TTC34: variants seen among roughly 807,000 people sequenced by gnomAD.
TTC34 encodes tetratricopeptide repeat protein 34.
TTC34 carries 44 observed loss-of-function variants against 40.7 expected under a neutral mutation model. The observed-to-expected ratio is 1.08, with a 90% confidence interval of 0.85 to 1.39. TTC34 has a LOEUF of 1.39. TTC34 is among the 40% of genes most tolerant of loss of function. TTC34 has a pLI of 0.00. For missense variants in TTC34, 884 were observed against 838.0 expected (o/e 1.05, Z -0.68); for synonymous variants, 422 against 398.6 (o/e 1.06, Z -0.70).
At chr1:2,691,340 ACC>A (rs1640608796) in intron 6 of TTC34, among the ~76,000 whole-genome samples, 1 of 83,602 alleles carries the variant, frequency 1.2e-5, no homozygotes, top group African/African-American at 4.5e-5. Context: ...CAGCACCCAC[ACC>A]CCCAGGTGAG....
At chr1:2,644,424 G>A (rs1221431960) in exon 8 of TTC34, 7 of 1,536,054 alleles carry the variant, frequency 4.6e-6, no homozygotes, top group Admixed American at 2.0e-5. Flanking sequence ...TGCCTCTGAC[G>A]TTGGGGCACG....
At chr1:2,780,018 G>A (rs773601753) in intron 6 of TTC34, among the ~76,000 whole-genome samples, 26 of 152,316 alleles carry the variant, frequency 1.7e-4, no homozygotes, top group Non-Finnish European at 2.5e-4. Flanking sequence ...GGAGGCTGAG[G>A]CAGGAGAATC....
At chr1:2,697,602 ACAACCCCAGGTGAGCATCCGACAGC>A (rs1640926175) in intron 6 of TTC34, among the ~76,000 whole-genome samples, 3 of 141,336 alleles carry the variant, frequency 2.1e-5, no homozygotes, top group Non-Finnish European at 3.1e-5. Flanking sequence ...AACAGCTCCC[ACAACCCCAGGTGAGCATCCGACAGC>A]CTGGAGCAGC....
At chr1:2,749,686 C>A (rs1569686913) in intron 6 of TTC34, among the ~76,000 whole-genome samples, 2 of 101,726 alleles carry the variant, frequency 2.0e-5, no homozygotes, top group East Asian at 5.9e-4. Context: ...AACCTGCACA[C>A]CCAGGTGAGC....
At chr1:2,652,071 G>A (rs55790383) in intron 6 of TTC34, among the ~76,000 whole-genome samples, 17,878 of 22,062 alleles carry the variant, frequency 0.81, 7,569 homozygotes, top group Non-Finnish European at 0.84. Context: ...ACAGCCTGGA[G>A]GAGCACCCAC....
chr1:2,641,128 G>C (rs1570742275), exon 9 of TTC34: 2 of 277,884 alleles, frequency 7.2e-6, no homozygotes, highest in African/African-American at 8.6e-5. Context: ...GGGCTGGGAA[G>C]GGGGAGGGCT....
intron 6 of TTC34, among the ~76,000 whole-genome samples, chr1:2,652,116 A>G (rs1639159228): frequency 2.7e-4 from 1 of 3,694 alleles, no homozygotes; most frequent in Admixed American, 3.5e-3. Flanking sequence ...CTGGAACAGC[A>G]CCCTGCACCC....
At position 2,681,580 on chromosome 1, in the gene TTC34, C is replaced by T. The variant is rs1277571317; in HGVS notation, c.2227-36017G>A. On this transcript the variant is annotated intron_variant, in intron 6 of 8. Transcript: ENST00000401095. ...CGCATCTGATGGTCTGGAGCAGCATCCACACCCACAGGTGAGCATCAGACA... is the reference window on the plus strand; with the variant it reads ...CGCATCTGATGGTCTGGAGCAGCATTCACACCCACAGGTGAGCATCAGACA... 3.2e-5 allele frequency among the ~76,000 whole-genome samples: 2 copies of T among 62,734 alleles called. 1 individual carries two copies. Among genetic ancestry groups the T allele is most frequent in the Non-Finnish European group, 7.1e-5 (2 of 28,072 alleles). The allele number at this position is 62,734 out of a possible 152,430, so 41.2% of individuals were successfully genotyped here. A position where few individuals can be genotyped will look rare whatever the true frequency, so the allele number is the denominator to read the frequency against.
chr1:2,769,668 A>G (rs1464177696), intron 6 of TTC34, among the ~76,000 whole-genome samples: 174 of 9,864 alleles, frequency 0.018, no homozygotes, highest in East Asian at 0.033. Context: ...GCAGCACCCT[A>G]CACCCCCAGG....
chr1:2,773,353 T>A (rs1341177894), intron 6 of TTC34, among the ~76,000 whole-genome samples: 3 of 86,976 alleles, frequency 3.4e-5, no homozygotes, highest in Admixed American at 1.1e-4. Flanking sequence ...GGTGAGCATC[T>A]GGCAGCCTGG....
In TTC34 at chr1:2,645,624, G is replaced by A. The variant is rs927779674; in HGVS notation, c.2227-61C>T. On this transcript the variant is annotated intron_variant, in intron 6 of 8. Coordinates refer to ENST00000401095, the Ensembl canonical transcript of TTC34. This position sits in a 1 kb window ranked among gnomAD's most constrained non-coding sequence, Gnocchi z 4.7. The stretch of plus-strand genomic sequence containing the variant: ...CCTAAGTAGAGAAACTGGGCAGAGG[G>A]TCAGAGTAGGAGGACTGGCTCTGTC... 1 of 1,417,776 alleles carries A rather than the reference G, an allele frequency of 7.1e-7. No homozygotes were observed. Among genetic ancestry groups the A allele is most frequent in the Admixed American group, 2.7e-5 (1 of 37,020 alleles). The allele number at this position is 1,417,776 out of a possible 1,614,324, so 87.8% of individuals were successfully genotyped here. A position where few individuals can be genotyped will look rare whatever the true frequency, so the allele number is the denominator to read the frequency against.
chr1:2,691,594 A>T (rs150908844), intron 6 of TTC34, among the ~76,000 whole-genome samples: 1,336 of 33,952 alleles, frequency 0.039, no homozygotes, highest in Middle Eastern at 0.1. Flanking sequence ...CCCAGGTGAG[A>T]CCCTGACAGC....
At chr1:2,756,675 G>C (rs1641517187) in intron 6 of TTC34, among the ~76,000 whole-genome samples, 1 of 1,722 alleles carries the variant, frequency 5.8e-4, no homozygotes, top group African/African-American at 2.0e-3. Flanking sequence ...ACCCCCAGGT[G>C]AGCAGCTGAA....
exon 5 of TTC34, chr1:2,786,006 G>C: frequency 2.0e-6 from 3 of 1,472,828 alleles, no homozygotes; most frequent in East Asian, 2.6e-5. Flanking sequence ...CACCAGACTG[G>C]ACCAGCTTCT....
chr1:2,767,714 A>C (rs1426681324), intron 6 of TTC34, among the ~76,000 whole-genome samples: 3 of 136,688 alleles, frequency 2.2e-5, no homozygotes, highest in Non-Finnish European at 4.7e-5. Context: ...TACCTGGAAC[A>C]GAACCCCGCT....
At position 2,700,169 on chromosome 1, in the gene TTC34, C is replaced by T. The variant is rs187767145; in HGVS notation, c.2227-54606G>A. Among the ~76,000 whole-genome samples, 196 of 99,938 alleles carry T rather than the reference C, an allele frequency of 2.0e-3. 13 individuals are homozygous for T. The highest frequency in any genetic ancestry group is 5.8e-3 in the African/African-American group (189 of 32,868). 65.6% of individuals were successfully genotyped at this position (99,938 alleles called of 152,430 possible). On this transcript the variant is annotated intron_variant, in intron 6 of 8. Transcript: ENST00000401095. ...ATCGGACATCCTGGAGCATCACATA[C>T]TCCCCCAGGTGAGCATCCGACAGCC...
At chr1:2,750,774 T>A (rs1398780397) in intron 6 of TTC34, among the ~76,000 whole-genome samples, 1 of 72,712 alleles carries the variant, frequency 1.4e-5, no homozygotes, top group Non-Finnish European at 2.6e-5. Flanking sequence ...TAAACACAGG[T>A]GAACATCGGA....
At chr1:2,748,490 A>G (rs1569683131) in intron 6 of TTC34, among the ~76,000 whole-genome samples, 2 of 138,354 alleles carry the variant, frequency 1.4e-5, no homozygotes, top group African/African-American at 2.6e-5. Context: ...TCCCCGGGTG[A>G]GCATCCGATA....
At chr1:2,695,379 T>G (rs111853722) in intron 6 of TTC34, among the ~76,000 whole-genome samples, 74 of 41,638 alleles carry the variant, frequency 1.8e-3, no homozygotes, top group Middle Eastern at 0.014. Flanking sequence ...TCCGACAGCC[T>G]GGAGCAGCAC....
Sources: allele counts gnomAD v4.1 joint callset (sites outside exome capture counted in the v4.1 genomes callset), GRCh38; gene constraint gnomAD v4.1.1; non-coding constraint Gnocchi (gnomAD v3.1); transcripts MANE v1.5; gene names NCBI Gene and HGNC (gene_info 2026-07-23, HGNC 2026-07-21).